Variants in VPS29 observed in about 807,000 individuals in gnomAD.
VPS29 encodes the protein vacuolar protein sorting-associated protein 29.
VPS29 carries 2 observed loss-of-function variants against 20.0 expected under a neutral mutation model. The observed-to-expected ratio is 0.10, with a 90% CI of 0.04 to 0.31. VPS29 has a LOEUF of 0.31. VPS29 is among the 10% of genes least tolerant of loss of function. The pLI is 1.00. For missense variants in VPS29, 120 were observed against 215.3 expected (o/e 0.56, Z 2.77); for synonymous variants, 81 against 79.3 (o/e 1.02, Z -0.12).
At chr12:110,496,324 T>C in intron 1 of VPS29, 121 bp from the exon 2 acceptor site, 1 of 837,808 alleles carries the variant, frequency 1.2e-6, no homozygotes. Flanking sequence ...AAATTATTCA[T>C]AGGGTTCCTA....
intron 2 of VPS29, 129 bp from the exon 3 acceptor site, chr12:110,493,360 A>T: frequency 1.6e-6 from 1 of 624,128 alleles, no homozygotes; most frequent in Non-Finnish European, 2.4e-6. Context: ...ACACATTTAT[A>T]CATTTTTTTT....
chr12:110,496,075 C>T lies in VPS29; in HGVS notation c.132G>A (p.Glu44=), dbSNP rs1337872512. The T allele has an allele frequency of 1.2e-6, 2 of 1,613,468 alleles. No homozygotes were observed. The highest frequency in any genetic ancestry group is 1.3e-5 in the African/African-American group (1 of 74,918). The change falls in exon 2 of 4, where the codon GAG becomes GAA. Residue 44 remains glutamate (E), a synonymous_variant. Transcript: ENST00000549578. ...CCAGAGTCTTGAGATAGTCATAACT[C>T]TCTTTGGTGCAAAGGTTTCCTGTGC... ...ILCTGNLCTK[E]SYDYLKTLAG...
rs543649616 is a variant in VPS29 at position 110,500,022 on chromosome 12, C to T, written c.3+2027G>A. ...ATTCAAGTATATGGATGTTAATTAT[C>T]TTACATTCAAAATTCTAGTAGCTGG... On this transcript the variant is annotated intron_variant, in intron 1 of 3. Coordinates refer to ENST00000549578, the MANE Select transcript of VPS29 (RefSeq NM_016226.5). Among the ~76,000 whole-genome samples the T allele has an allele frequency of 9.8e-5, 15 of 152,296 alleles. No individual in the cohort carries two copies. In the South Asian group the frequency reaches 3.1e-3, roughly 32 times the overall value.
rs113668321 is a variant in VPS29 at position 110,493,261 on chromosome 12, T to A, written c.196-30A>T. On this transcript the variant is annotated intron_variant, in intron 2 of 3. Coordinates refer to ENST00000549578, the MANE Select transcript of VPS29 (RefSeq NM_016226.5). Reference sequence around the variant, plus strand: ...CATAAGAAAAAGACGTAAGAAAATATGTATTTTAGAGATACTGATGTTTAA... The same window carrying A: ...CATAAGAAAAAGACGTAAGAAAATAAGTATTTTAGAGATACTGATGTTTAA... The A allele has an allele frequency of 3.3e-5, 47 of 1,416,298 alleles. No individual in the cohort carries two copies. The African/African-American group carries it at 5.5e-4, about 17-fold the overall frequency. The allele number at this position is 1,416,298 out of a possible 1,614,324, so 87.7% of individuals were successfully genotyped here.
At chr12:110,496,648 T>G (rs924985721) in intron 1 of VPS29, 6 of 152,422 alleles carry the variant, frequency 3.9e-5, no homozygotes, top group African/African-American at 1.5e-4. Context: ...ATTTGGCATT[T>G]TTAAAGACTG....
chr12:110,493,240 A>G lies in VPS29; in HGVS notation c.196-9T>C. 2 of 1,475,136 alleles carry G rather than the reference A, an allele frequency of 1.4e-6. No individual in the cohort carries two copies. The highest frequency in any genetic ancestry group is 9.0e-7 in the Non-Finnish European group (1 of 1,110,060). 91.4% of individuals were successfully genotyped at this position (1,475,136 alleles called of 1,614,324 possible). ...TCTGGATAATTCAGATTCTAACATA[A>G]GAAAAAGACGTAAGAAAATATGTAT... On this transcript the variant is annotated splice_polypyrimidine_tract_variant and intron_variant, in intron 2 of 3. Coordinates refer to ENST00000549578, the MANE Select transcript of VPS29 (RefSeq NM_016226.5).
chr12:110,494,595 C>T (rs1395641927), intron 2 of VPS29, among the ~76,000 whole-genome samples: 1 of 151,870 alleles, frequency 6.6e-6, no homozygotes, highest in African/African-American at 2.4e-5. Context: ...TATTATGCTA[C>T]ACCATACAAT....
At chr12:110,497,413 C>T (rs1357952715) in intron 1 of VPS29, among the ~76,000 whole-genome samples, 1 of 151,094 alleles carries the variant, frequency 6.6e-6, no homozygotes, top group African/African-American at 2.4e-5. Context: ...GATAGGGTTT[C>T]ACCATGTTGG....
intron 1 of VPS29, among the ~76,000 whole-genome samples, chr12:110,500,304 T>A (rs1441463830): frequency 6.6e-6 from 1 of 152,178 alleles, no homozygotes; most frequent in East Asian, 1.9e-4. Context: ...TAATGCTAAA[T>A]TTTTCCCAGT....
chr12:110,501,428 G>A (rs945749946), intron 1 of VPS29: 3 of 1,535,314 alleles, frequency 2.0e-6, no homozygotes, highest in African/African-American at 2.7e-5. Flanking sequence ...CTAAAGAGGC[G>A]TAGCAACCCG....
chr12:110,501,940 G>A, intron 1 of VPS29, 109 bp downstream of exon 1: 2 of 1,605,380 alleles, frequency 1.2e-6, no homozygotes, highest in Non-Finnish European at 8.5e-7. Context: ...CCCTGACGCC[G>A]AGGCCTCCGG....
intron 1 of VPS29, chr12:110,501,550 T>C (rs997666221): frequency 6.5e-7 from 1 of 1,535,424 alleles, no homozygotes; most frequent in South Asian, 1.2e-5. Flanking sequence ...GGGTGGTTTA[T>C]TCCCTTTCCC....
chr12:110,501,596 C>A, intron 1 of VPS29: 1 of 1,535,066 alleles, frequency 6.5e-7, no homozygotes, highest in Non-Finnish European at 8.7e-7. Context: ...AAATTCTGCT[C>A]GCTACTTCCT....
intron 1 of VPS29, 157 bp downstream of exon 1, chr12:110,501,892 T>G (rs758326756): frequency 2.7e-5 from 41 of 1,527,154 alleles, no homozygotes; most frequent in Non-Finnish European, 2.7e-6. Context: ...CTTCCTTCCC[T>G]AGACCTCTTC....
At chr12:110,500,824 A>T (rs1276154760) in intron 1 of VPS29, among the ~76,000 whole-genome samples, 2 of 151,806 alleles carry the variant, frequency 1.3e-5, no homozygotes, top group Non-Finnish European at 2.9e-5. Flanking sequence ...CACAGGGTGG[A>T]AGGGGACCCG....
At chr12:110,495,369 G>A (rs1427848361) in intron 2 of VPS29, among the ~76,000 whole-genome samples, 1 of 152,180 alleles carries the variant, frequency 6.6e-6, no homozygotes, top group African/African-American at 2.4e-5. Flanking sequence ...ACAGTGGCTT[G>A]GAATAAAGTT....
chr12:110,495,956 T>C (rs1203465724), intron 2 of VPS29, 56 bp downstream of exon 2: 4 of 1,421,752 alleles, frequency 2.8e-6, no homozygotes, highest in Non-Finnish European at 2.8e-6. Flanking sequence ...ATAAAGCTTA[T>C]GTAAGTAATA....
intron 3 of VPS29, 144 bp downstream of exon 3, chr12:110,492,852 G>A: frequency 2.8e-6 from 2 of 716,022 alleles, no homozygotes; most frequent in South Asian, 1.9e-5. Context: ...TCAAACTCCT[G>A]GGCTCAAGCA....
chr12:110,493,272 GA>G, intron 2 of VPS29, 41 bp from the exon 3 acceptor site: 1 of 1,347,578 alleles, frequency 7.4e-7, no homozygotes, highest in South Asian at 1.8e-5. Flanking sequence ...GTATTTTAGA[GA>G]TACTGATGTT....
Sources: allele counts gnomAD v4.1 joint callset (sites outside exome capture counted in the v4.1 genomes callset), GRCh38; gene constraint gnomAD v4.1.1; transcripts MANE v1.5; gene names NCBI Gene and HGNC (gene_info 2026-07-23, HGNC 2026-07-21).